Variants in RASAL2 observed in about 807,000 individuals in gnomAD.
RASAL2 encodes the protein ras GTPase-activating protein nGAP.
A neutral mutation model predicts 128.9 loss-of-function variants in RASAL2; 58 were observed. The observed-to-expected ratio is 0.45, with a 90% CI of 0.36 to 0.56. The LOEUF (loss-of-function observed/expected upper bound fraction) is 0.56, where lower values mean the gene tolerates loss of function less well. Ranked by LOEUF, RASAL2 falls within the 20% of genes least tolerant of loss-of-function variation. The pLI, the probability that RASAL2 is intolerant of heterozygous loss-of-function variation, is 0.00. For missense variants in RASAL2, 1,360 were observed against 1,601.6 expected, an observed-to-expected ratio of 0.85 and a Z score of 2.57; for synonymous variants, 561 against 580.8, an observed-to-expected ratio of 0.97 and a Z score of 0.49.
chr1:178,372,934 A>C (rs1671793842), intron 3 of RASAL2, among the ~76,000 whole-genome samples: 1 of 152,130 alleles, frequency 6.6e-6, no homozygotes, highest in African/African-American at 2.4e-5. Flanking sequence ...TAGGTTGTAA[A>C]TCCAGTCATA....
intron 4 of RASAL2, among the ~76,000 whole-genome samples, chr1:178,397,878 A>G (rs1246714763): frequency 6.6e-6 from 1 of 151,950 alleles, no homozygotes; most frequent in Non-Finnish European, 1.5e-5. Context: ...GGTCTTCTAA[A>G]GTGCTGGGAT....
intron 1 of RASAL2, among the ~76,000 whole-genome samples, chr1:178,245,692 C>T (rs974965460): frequency 3.3e-5 from 5 of 151,942 alleles, no homozygotes; most frequent in African/African-American, 4.8e-5. Context: ...AGGGTTTTTA[C>T]GGTTTTAGGT....
chr1:178,318,552 CTTCT>C (rs1412021862), intron 3 of RASAL2, among the ~76,000 whole-genome samples: 1 of 149,714 alleles, frequency 6.7e-6, no homozygotes, highest in South Asian at 2.1e-4. Context: ...ATGTAATGGC[CTTCT>C]TTGTCTCTTT....
chr1:178,157,246 A>G (rs1022878445), intron 1 of RASAL2, among the ~76,000 whole-genome samples: 1 of 152,196 alleles, frequency 6.6e-6, no homozygotes, highest in Admixed American at 6.5e-5. Flanking sequence ...TAGAGTAGGC[A>G]CTTGATCTGG....
At chr1:178,464,831 G>GTTTTTTTTTTTTTTTTTTTT (rs986789340) in intron 15 of RASAL2, among the ~76,000 whole-genome samples, 7 of 38,202 alleles carry the variant, frequency 1.8e-4, no homozygotes, top group African/African-American at 4.9e-4. Context: ...GGTTTTAGTT[G>GTTTTTTTTTTTTTTTTTTTT]TTTTTTTTTT....
intron 1 of RASAL2, among the ~76,000 whole-genome samples, chr1:178,275,072 G>C (rs1376769600): frequency 6.6e-6 from 1 of 152,224 alleles, no homozygotes; most frequent in East Asian, 1.9e-4. Context: ...AGAACAGGCT[G>C]TGATGGACTG....
chr1:178,101,529 T>C (rs529477442), intron 1 of RASAL2, among the ~76,000 whole-genome samples: 17 of 152,226 alleles, frequency 1.1e-4, no homozygotes, highest in East Asian at 9.6e-4. Context: ...GTAATACTTA[T>C]AGATATTGAT....
At chr1:178,468,515 G>T (rs1647962056) in intron 17 of RASAL2, among the ~76,000 whole-genome samples, 1 of 152,168 alleles carries the variant, frequency 6.6e-6, no homozygotes, top group Admixed American at 6.5e-5. Flanking sequence ...TGAGAGTGAG[G>T]CTGAAAGCAC....
chr1:178,244,549 C>T (rs1664680505), intron 1 of RASAL2, among the ~76,000 whole-genome samples: 1 of 152,112 alleles, frequency 6.6e-6, no homozygotes, highest in African/African-American at 2.4e-5. Flanking sequence ...CCTATTTCTT[C>T]TTTAAAATTT....
intron 1 of RASAL2, among the ~76,000 whole-genome samples, chr1:178,225,475 T>A (rs548977959): frequency 1.3e-5 from 2 of 152,068 alleles, no homozygotes; most frequent in African/African-American, 4.8e-5. Context: ...CTTTCTATCT[T>A]GTCTCTTGGA....
intron 4 of RASAL2, among the ~76,000 whole-genome samples, chr1:178,416,519 A>G (rs929975212): frequency 6.6e-6 from 1 of 152,090 alleles, no homozygotes; most frequent in Non-Finnish European, 1.5e-5. Flanking sequence ...GAAGAAAAAT[A>G]AAAGGTGGTT....
At chr1:178,379,317 G>A (rs960853692) in intron 3 of RASAL2, among the ~76,000 whole-genome samples, 3 of 151,738 alleles carry the variant, frequency 2.0e-5, no homozygotes, top group Non-Finnish European at 4.4e-5. Context: ...GAAGTTTGAG[G>A]CAGTGAGCTG....
At chr1:178,315,656 ATTTG>A (rs1668474201) in intron 3 of RASAL2, among the ~76,000 whole-genome samples, 1 of 143,942 alleles carries the variant, frequency 6.9e-6, no homozygotes, top group African/African-American at 2.8e-5. Context: ...TTTCTTGTAA[ATTTG>A]TTTGAGTTCA....
chr1:178,304,700 G>T (rs1286909727), intron 3 of RASAL2, among the ~76,000 whole-genome samples: 1 of 152,150 alleles, frequency 6.6e-6, no homozygotes, highest in Non-Finnish European at 1.5e-5. Flanking sequence ...TTAAACGTTT[G>T]CCTGTGGAAA....
At chr1:178,283,456 GT>G (rs1451406197) in intron 1 of RASAL2, 107 bp from the exon 2 acceptor site, 1 of 1,360,648 alleles carries the variant, frequency 7.3e-7, no homozygotes, top group Non-Finnish European at 1.0e-6. Context: ...TGAGATTCGT[GT>G]TTAGGCTCAC....
chr1:178,412,205 C>A (rs1674436482), intron 4 of RASAL2, among the ~76,000 whole-genome samples: 1 of 151,914 alleles, frequency 6.6e-6, no homozygotes, highest in South Asian at 2.1e-4. Context: ...AAGCTAGGGG[C>A]TAAAGTTCTT....
Position 178,206,457 on chromosome 1 carries a change from A to G in RASAL2, c.203-77107A>G, listed in dbSNP as rs531362084. 5.5e-4 allele frequency among the ~76,000 whole-genome samples: 84 copies of G among 152,330 alleles called. No individual in the cohort carries two copies. The South Asian group carries it at 9.5e-3, about 17-fold the overall frequency. Reference sequence around the variant, plus strand: ...CTCAATCAATGTTTATAACAACTCTATGAGAAAAGTATTTTCATCTTCCAG... The same window carrying G: ...CTCAATCAATGTTTATAACAACTCTGTGAGAAAAGTATTTTCATCTTCCAG... On this transcript the variant is annotated intron_variant, in intron 1 of 17. Transcript: ENST00000367649.
intron 5 of RASAL2, among the ~76,000 whole-genome samples, chr1:178,430,281 G>A (rs181568046): frequency 8.7e-4 from 132 of 152,196 alleles, no homozygotes; most frequent in African/African-American, 3.1e-3. Context: ...TCTAGCTATC[G>A]ATTAGAGTTT....
intron 3 of RASAL2, among the ~76,000 whole-genome samples, chr1:178,359,538 T>C (rs556749152): frequency 2.0e-5 from 3 of 152,338 alleles, no homozygotes; most frequent in Non-Finnish European, 2.9e-5. Context: ...TTATCTACTT[T>C]CATTTTACAA....
Sources: gnomAD v4.1 joint callset for allele counts (sites outside exome capture counted in the v4.1 genomes callset) on GRCh38, gnomAD v4.1.1 for gene constraint, MANE v1.5 for transcripts, NCBI Gene and HGNC (gene_info 2026-07-23, HGNC 2026-07-21) for gene names.